Variants in SLC7A2 observed in about 807,000 individuals in gnomAD.
The protein encoded by SLC7A2 is cationic amino acid transporter 2.
A neutral mutation model predicts 58.9 loss-of-function variants in SLC7A2; 48 were observed. The ratio of observed to expected loss-of-function variants is 0.82; its 90% CI spans 0.65 to 1.04. SLC7A2 has a LOEUF of 1.04. Ranked by LOEUF, SLC7A2 falls within the 50% of genes least tolerant of loss-of-function variation. The pLI, the probability that SLC7A2 is intolerant of heterozygous loss-of-function variation, is 0.00. For missense variants in SLC7A2, 1,029 were observed against 818.8 expected (o/e 1.26, Z -3.13); for synonymous variants, 363 against 314.5 (o/e 1.15, Z -1.63).
intron 11 of SLC7A2, among the ~76,000 whole-genome samples, chr8:17,562,348 G>T (rs1369105674): frequency 6.6e-6 from 1 of 151,692 alleles, no homozygotes; most frequent in African/African-American, 2.4e-5. Context: ...TGGATCACAG[G>T]TGCACGCCAC....
At position 17,550,325 on chromosome 8, in the gene SLC7A2, A is replaced by G. The variant is rs946075985; in HGVS notation, c.723A>G (p.Thr241=). 6.2e-7 allele frequency: 1 copy of G among 1,613,934 alleles called. No homozygotes were observed. The highest frequency in any genetic ancestry group is 1.3e-5 in the African/African-American group (1 of 74,922). Residue 241 remains threonine (T), a synonymous_variant, in exon 6 of 13, where the codon ACA becomes ACG. Coordinates refer to ENST00000494857, the MANE Select transcript of SLC7A2 (RefSeq NM_001370338.1). ...SAREPPSENG[T]SIYGAGGFMP... ...GAGAGCCACCTTCTGAAAACGGAAC[A>G]AGTATCTATGGGGCTGGTGGCTTTA... is the stretch of plus-strand genomic sequence containing the variant.
chr8:17,496,870 C>A (rs1318557120), upstream of SLC7A2, among the ~76,000 whole-genome samples: 1 of 151,948 alleles, frequency 6.6e-6, no homozygotes, highest in Non-Finnish European at 1.5e-5. Flanking sequence ...CGGCCTAGCC[C>A]GGGGCTAGCG....
chr8:17,543,378 T>C lies in SLC7A2; in HGVS notation c.39T>C (p.Cys13=). 1 of 1,614,172 alleles carries C rather than the reference T, an allele frequency of 6.2e-7. No individual in the cohort carries two copies. Among genetic ancestry groups the C allele is most frequent in the South Asian group, 1.1e-5 (1 of 91,072 alleles). The stretch of plus-strand genomic sequence containing the variant: ...GAGCCGCGCTGACCTTTGCCCGATG[T>C]CTGATCCGGAGAAAAATCGTGACCC... ...PCRAALTFAR[C]LIRRKIVTLD... is the part of the protein sequence containing the mutation. Residue 13 remains cysteine (C), a synonymous_variant, in exon 3 of 13, where the codon TGT becomes TGC. Transcript: ENST00000494857.
chr8:17,543,505 G>C lies in SLC7A2; in HGVS notation c.166G>C (p.Ala56Pro). 6.2e-7 allele frequency: 1 copy of C among 1,613,936 alleles called. No individual in the cohort carries two copies. Among genetic ancestry groups the C allele is most frequent in the South Asian group, 1.1e-5 (1 of 91,052 alleles). ...CCTTGGGGCCGGGGTTTATGTCCTC[G>C]CTGGGGAGGTGGCCAAGGCAGACTC... ...STLGAGVYVL[A>P]GEVAKADSGP... The change falls in exon 3 of 13, where the codon GCT (alanine) becomes CCT (proline). Residue 56 changes from alanine to proline, a missense_variant. By Grantham distance (27) the Ala-to-Pro change is conservative. Coordinates refer to ENST00000494857, the MANE Select transcript of SLC7A2 (RefSeq NM_001370338.1).
chr8:17,558,235 T>A, intron 8 of SLC7A2, 60 bp from the exon 9 acceptor site: 1 of 1,068,686 alleles, frequency 9.4e-7, no homozygotes, highest in Non-Finnish European at 1.5e-6. Flanking sequence ...TGAACGTTAG[T>A]AACTGTATGG....
chr8:17,544,894 G>A lies in SLC7A2; in HGVS notation c.532+288G>A, dbSNP rs184527875. Among the ~76,000 whole-genome samples, 60 of 152,314 alleles carry A rather than the reference G, an allele frequency of 3.9e-4. 1 individual carries two copies. The highest frequency in any genetic ancestry group is 1.3e-3 in the African/African-American group (53 of 41,572). On this transcript the variant is annotated intron_variant, in intron 4 of 12. Transcript: ENST00000494857. ...TTTTTAAATCGTTAATTGCAGGTTT[G>A]CAGGAATAGCGGTGGTTTCAGTAAG...
In SLC7A2 at chr8:17,560,318, T is replaced by C. The variant is rs762963514; in HGVS notation, c.1299-10T>C. The C allele has an allele frequency of 1.9e-6, 3 of 1,610,358 alleles. No individual in the cohort carries two copies. The African/African-American group carries it at 4.0e-5, about 22-fold the overall frequency. On this transcript the variant is annotated splice_polypyrimidine_tract_variant and intron_variant, in intron 9 of 12. Transcript: ENST00000494857. Reference sequence around the variant, plus strand: ...TGAGAATAAAGACATAGATGTTTGTTTGGAAATAGGTACCAGCCTGGCTTA... The same window carrying C: ...TGAGAATAAAGACATAGATGTTTGTCTGGAAATAGGTACCAGCCTGGCTTA...
rs1801991257 is a variant in SLC7A2 at position 17,543,195 on chromosome 8, CA to C, written c.-22-122del. 5 of 710,964 alleles carry C rather than the reference CA, an allele frequency of 7.0e-6. No homozygotes were observed. In the East Asian group the frequency reaches 1.4e-4, roughly 20 times the overall value. The allele number at this position is 710,964 out of a possible 1,614,324, so 44.0% of individuals were successfully genotyped here. On this transcript the variant is annotated intron_variant, in intron 2 of 12. Transcript: ENST00000494857. Reference sequence around the variant, plus strand: ...CATCTCTTCTAACAAGTGAAACACACACACACACACACACACACACAAACAC... The same window carrying C: ...CATCTCTTCTAACAAGTGAAACACACCACACACACACACACACACAAACAC...
At position 17,497,094 on chromosome 8, in the gene SLC7A2, C is replaced by T. The variant is rs1036293285; in HGVS notation, c.-212C>T. 1 of 151,434 alleles carries T rather than the reference C, an allele frequency of 6.6e-6. No homozygotes were observed. Among genetic ancestry groups the T allele is most frequent in the African/African-American group, 2.4e-5 (1 of 41,468 alleles). 9.4% of individuals were successfully genotyped at this position (151,434 alleles called of 1,614,324 possible). The stretch of plus-strand genomic sequence containing the variant: ...GGCGCCCACGTGCCCAGCCCTCCTT[C>T]TGCAGCGCGGCCGGCGGGCGCTCCT... On this transcript the variant is annotated 5_prime_UTR_variant, in exon 1 of 13. Transcript: ENST00000494857.
At chr8:17,545,639 C>T (rs930118592) in intron 4 of SLC7A2, among the ~76,000 whole-genome samples, 5 of 151,868 alleles carry the variant, frequency 3.3e-5, no homozygotes, top group African/African-American at 1.2e-4. Flanking sequence ...CTCAAGTGAT[C>T]CCCCTGCCTC....
At chr8:17,554,751 A>G (rs1563477430) in intron 8 of SLC7A2, 52 bp downstream of exon 8, 5 of 1,536,848 alleles carry the variant, frequency 3.3e-6, no homozygotes, top group Non-Finnish European at 4.4e-6. Flanking sequence ...TTCATCAAGG[A>G]CTCTGCATTA....
Position 17,530,573 on chromosome 8 carries a change from A to AT in SLC7A2, c.-22-12728dup, listed in dbSNP as rs11389186. On this transcript the variant is annotated intron_variant, in intron 2 of 12. Transcript: ENST00000494857. ...ATTAGGTACAAGTGTGAGTAAATAG[A>AT]TTTTTTTTTTTTTTTTTGAGACAGG... is the stretch of plus-strand genomic sequence containing the variant. Among the ~76,000 whole-genome samples the AT allele has an allele frequency of 3.1e-3, 430 of 140,468 alleles. 1 individual carries two copies. The highest frequency in any genetic ancestry group is 0.01 in the African/African-American group (394 of 38,508). The allele number at this position is 140,468 out of a possible 152,430, so 92.2% of individuals were successfully genotyped here. A position where few individuals can be genotyped will look rare whatever the true frequency, so the allele number is the denominator to read the frequency against.
At chr8:17,506,126 AG>A (rs553000049) in intron 2 of SLC7A2, among the ~76,000 whole-genome samples, 134 of 152,232 alleles carry the variant, frequency 8.8e-4, no homozygotes, top group African/African-American at 3.2e-3. Flanking sequence ...GTGTAGGTGG[AG>A]TAGGACTTGT....
chr8:17,496,187 G>A (rs1799953364), upstream of SLC7A2, among the ~76,000 whole-genome samples: 1 of 152,186 alleles, frequency 6.6e-6, no homozygotes, highest in East Asian at 1.9e-4. Flanking sequence ...TCAGCCTGGT[G>A]GCTCAAGCCT....
chr8:17,542,034 A>G (rs1469786139), intron 2 of SLC7A2, among the ~76,000 whole-genome samples: 2 of 152,144 alleles, frequency 1.3e-5, no homozygotes, highest in African/African-American at 4.8e-5. Context: ...GGACTTATTT[A>G]TCTAGAAATC....
chr8:17,499,225 C>G (rs181947044), intron 1 of SLC7A2: 5 of 152,364 alleles, frequency 3.3e-5, no homozygotes, highest in African/African-American at 1.2e-4. Flanking sequence ...GGCAACTTCT[C>G]TATTTCACCT....
At chr8:17,558,503 A>C in intron 9 of SLC7A2, 106 bp downstream of exon 9, 1 of 637,206 alleles carries the variant, frequency 1.6e-6, no homozygotes, top group South Asian at 2.1e-5. Flanking sequence ...CAGTCTCACC[A>C]AGGTGAGAGG....
intron 2 of SLC7A2, among the ~76,000 whole-genome samples, chr8:17,522,725 T>A (rs2588216): frequency 0.48 from 73,138 of 151,744 alleles, 18,656 homozygotes; most frequent in Middle Eastern, 0.59. Context: ...TTGTGACTTC[T>A]AGGAAGTACA....
At chr8:17,498,332 A>G (rs1388510593) in intron 1 of SLC7A2, among the ~76,000 whole-genome samples, 3 of 152,166 alleles carry the variant, frequency 2.0e-5, no homozygotes, top group Admixed American at 6.5e-5. Context: ...ATACTTTTTC[A>G]TTCTTGCCTG....
Sources: allele counts gnomAD v4.1 joint callset (sites outside exome capture counted in the v4.1 genomes callset), GRCh38; gene constraint gnomAD v4.1.1; transcripts MANE v1.5; gene names NCBI Gene and HGNC (gene_info 2026-07-23, HGNC 2026-07-21).